USP53: variants seen among roughly 807,000 people sequenced by gnomAD.
USP53 encodes the protein ubiquitin carboxyl-terminal hydrolase 53.
USP53 carries 71 observed loss-of-function variants against 94.9 expected under a neutral mutation model. The ratio of observed to expected loss-of-function variants is 0.75; its 90% CI spans 0.62 to 0.91. USP53 has a LOEUF of 0.91. USP53 is among the 40% of genes least tolerant of loss of function. The pLI, the probability that USP53 is intolerant of heterozygous loss-of-function variation, is 0.00. For synonymous variants in USP53, 375 were observed against 422.7 expected, an observed-to-expected ratio of 0.89 and a Z score of 1.39; for missense variants, 1,173 against 1,281.0, an observed-to-expected ratio of 0.92 and a Z score of 1.29.
intron 9 of USP53, among the ~76,000 whole-genome samples, chr4:119,257,758 C>T (rs1448313589): frequency 6.6e-6 from 1 of 152,154 alleles, no homozygotes; most frequent in African/African-American, 2.4e-5. Flanking sequence ...GTGAAAAACA[C>T]TGATTTAGAG....
intron 17 of USP53, among the ~76,000 whole-genome samples, chr4:119,279,880 C>G (rs1753273378): frequency 6.6e-6 from 1 of 152,212 alleles, no homozygotes; most frequent in Non-Finnish European, 1.5e-5. Context: ...GCGTCCGTCA[C>G]CCCTTTCTTT....
In USP53 at chr4:119,248,821, A is replaced by G; in HGVS notation, c.311A>G (p.Glu104Gly). 6.2e-7 allele frequency: 1 copy of G among 1,614,158 alleles called. No individual in the cohort carries two copies. The highest frequency in any genetic ancestry group is 1.1e-5 in the South Asian group (1 of 91,080). The change falls in exon 7 of 19, where the codon GAA (glutamate) becomes GGA (glycine). Residue 104 changes from glutamate (E) to glycine (G), a missense_variant. Glu to Gly is a moderately conservative substitution (Grantham distance 98). Transcript: ENST00000692078. ...GATAACATAAGGCATGCTCTTGCAG[A>G]AAGTTTCAAAGATGAGCAGCGATTT... ...PSDNIRHALA[E>G]SFKDEQRFQL...
At chr4:119,266,899 C>T (rs1188426970) in intron 12 of USP53, among the ~76,000 whole-genome samples, 1 of 152,044 alleles carries the variant, frequency 6.6e-6, no homozygotes, top group Admixed American at 6.6e-5. Context: ...GTGAGCCATT[C>T]TGAGTTCATT....
intron 12 of USP53, among the ~76,000 whole-genome samples, chr4:119,264,221 A>G (rs1007479640): frequency 2.0e-5 from 3 of 152,216 alleles, no homozygotes; most frequent in East Asian, 1.9e-4. Context: ...CCAAATATTC[A>G]AAGAACCTGA....
At chr4:119,241,101 C>T (rs1296046710) in intron 5 of USP53, among the ~76,000 whole-genome samples, 1 of 152,068 alleles carries the variant, frequency 6.6e-6, no homozygotes, top group African/African-American at 2.4e-5. Context: ...ATGTTTTCCC[C>T]TCTGTTTCTG....
intron 12 of USP53, 130 bp from the exon 13 acceptor site, chr4:119,267,190 A>G: frequency 1.5e-6 from 1 of 681,740 alleles, no homozygotes; most frequent in Non-Finnish European, 2.3e-6. Flanking sequence ...TATATGATAC[A>G]TACTTGAACT....
At position 119,239,570 on chromosome 4, in the gene USP53, C is replaced by G; in HGVS notation, c.-190C>G. On this transcript the variant is annotated 5_prime_UTR_variant, in exon 5 of 19. Coordinates refer to ENST00000692078, the MANE Select transcript of USP53 (RefSeq NM_001371395.1). ...AGTGCTTAGAACTTCAATGTTTATG[C>G]ACCCTATTGTTACTTGTCAGAGTCT... The G allele has an allele frequency of 1.8e-6, 1 of 564,548 alleles. No individual in the cohort carries two copies. Among genetic ancestry groups the G allele is most frequent in the Non-Finnish European group, 2.9e-6 (1 of 350,378 alleles). 35.0% of individuals were successfully genotyped at this position (564,548 alleles called of 1,614,324 possible).
chr4:119,230,318 C>T (rs1561204787), intron 3 of USP53, among the ~76,000 whole-genome samples: 1 of 152,116 alleles, frequency 6.6e-6, no homozygotes, highest in Admixed American at 6.5e-5. Context: ...TGTATTTTGC[C>T]TTTGTCACTC....
chr4:119,246,085 A>C (rs1748192444), intron 6 of USP53, among the ~76,000 whole-genome samples: 1 of 152,156 alleles, frequency 6.6e-6, no homozygotes. Context: ...CTTTATGAGC[A>C]AGGAAGAGAG....
At position 119,225,663 on chromosome 4, in the gene USP53, G is replaced by A. The variant is rs370869556; in HGVS notation, c.-665+7990G>A. 5.3e-5 allele frequency among the ~76,000 whole-genome samples: 8 copies of A among 151,904 alleles called. No individual in the cohort carries two copies. The South Asian group carries it at 8.3e-4, about 16-fold the overall frequency. Reference sequence around the variant, plus strand: ...CAGGAGGCTGAGGCAGGAGAATGGCGTGAACCCGGGAGGTGGAGTGAGCTG... The same window carrying A: ...CAGGAGGCTGAGGCAGGAGAATGGCATGAACCCGGGAGGTGGAGTGAGCTG... On this transcript the variant is annotated intron_variant, in intron 3 of 18. Transcript: ENST00000692078.
chr4:119,269,738 A>C lies in USP53; in HGVS notation c.1336A>C (p.Arg446=), dbSNP rs757863936. 32 of 1,503,736 alleles carry C rather than the reference A, an allele frequency of 2.1e-5. No individual in the cohort carries two copies. Among genetic ancestry groups the C allele is most frequent in the Non-Finnish European group, 2.7e-5 (30 of 1,129,012 alleles). The allele number at this position is 1,503,736 out of a possible 1,614,324, so 93.1% of individuals were successfully genotyped here. ...AAGGGAAAAGATAAAAGACATTTCC[A>C]GAGAATGTGCTCTGAAAGCTATTGA... ...DQREKIKDIS[R]ECALKAIEQK... The change falls in exon 15 of 19, where the codon AGA becomes CGA. Residue 446 remains arginine, a synonymous_variant. Coordinates refer to ENST00000692078, the MANE Select transcript of USP53 (RefSeq NM_001371395.1).
chr4:119,231,413 T>C (rs1203509972), intron 3 of USP53, among the ~76,000 whole-genome samples: 1 of 152,208 alleles, frequency 6.6e-6, no homozygotes, highest in South Asian at 2.1e-4. Flanking sequence ...CATGTTGATC[T>C]AATATTGCCA....
intron 12 of USP53, among the ~76,000 whole-genome samples, chr4:119,264,211 CCAAA>C (rs1750845574): frequency 6.6e-6 from 1 of 152,066 alleles, no homozygotes; most frequent in South Asian, 2.1e-4. Context: ...TAAAAAATTA[CCAAA>C]TATTCAAAGA....
intron 9 of USP53, 43 bp downstream of exon 9, chr4:119,256,566 A>C: frequency 6.3e-7 from 1 of 1,579,756 alleles, no homozygotes. Context: ...TATTAATAAC[A>C]TATTTAAGCA....
intron 9 of USP53, among the ~76,000 whole-genome samples, chr4:119,258,592 C>T (rs1339214137): frequency 6.6e-6 from 1 of 152,170 alleles, no homozygotes; most frequent in Non-Finnish European, 1.5e-5. Flanking sequence ...ACTCACAGTT[C>T]TATGTGGCTA....
At position 119,295,516 on chromosome 4, in the gene USP53, T is replaced by A. The variant is rs1453460727; in HGVS notation, c.*2305T>A. ...TTTTAAGATAAACTGATTTTTAAGT[T>A]TATATGATTGGACTTCTCTTTGCAT... On this transcript the variant is annotated 3_prime_UTR_variant, in exon 19 of 19. Transcript: ENST00000692078. 6.6e-6 allele frequency: 1 copy of A among 152,202 alleles called. No homozygotes were observed. The highest frequency in any genetic ancestry group is 2.1e-4 in the South Asian group (1 of 4,832). 9.4% of individuals were successfully genotyped at this position (152,202 alleles called of 1,614,324 possible). A position where few individuals can be genotyped will look rare whatever the true frequency, so the allele number is the denominator to read the frequency against.
chr4:119,256,628 G>A (rs1043915186), intron 9 of USP53, 105 bp downstream of exon 9: 9 of 1,158,434 alleles, frequency 7.8e-6, no homozygotes, highest in Non-Finnish European at 1.0e-5. Flanking sequence ...TCCCCTCTCT[G>A]TCTGAGGCTA....
intron 7 of USP53, among the ~76,000 whole-genome samples, chr4:119,250,580 A>G (rs62328376): frequency 0.22 from 33,022 of 152,192 alleles, 4,105 homozygotes; most frequent in South Asian, 0.32. Flanking sequence ...TAAACTTTAT[A>G]GTTTTACTTT....
chr4:119,242,748 A>T (rs1284721867), intron 5 of USP53, among the ~76,000 whole-genome samples: 1 of 152,220 alleles, frequency 6.6e-6, no homozygotes, highest in African/African-American at 2.4e-5. Flanking sequence ...TTTCTATGAG[A>T]TAAGACCTTT....
Sources: allele counts gnomAD v4.1 joint callset (sites outside exome capture counted in the v4.1 genomes callset), GRCh38; gene constraint gnomAD v4.1.1; transcripts MANE v1.5; gene names NCBI Gene and HGNC (gene_info 2026-07-23, HGNC 2026-07-21).